The following FHIP2A variants were observed in gnomAD, a reference collection of about 807,000 sequenced individuals.
The protein encoded by FHIP2A is family with sequence similarity 160 member B1.
A neutral mutation model predicts 93.5 loss-of-function variants in FHIP2A; 46 were observed. The ratio of observed to expected loss-of-function variants is 0.49; its 90% confidence interval spans 0.39 to 0.63. The LOEUF is 0.63. Among genes scored for constraint, FHIP2A ranks in the 20% least tolerant of loss-of-function variants. The pLI, the probability that FHIP2A is intolerant of heterozygous loss-of-function variation, is 0.00. For missense variants in FHIP2A, 769 were observed against 909.7 expected, an observed-to-expected ratio of 0.85 and a Z score of 1.99; for synonymous variants, 332 against 326.5, an observed-to-expected ratio of 1.02 and a Z score of -0.18.
Position 114,822,141 on chromosome 10 carries a change from G to A in FHIP2A, c.45+18G>A. On this transcript the variant is annotated intron_variant, in intron 1 of 16. Coordinates refer to ENST00000369248, the MANE Select transcript of FHIP2A (RefSeq NM_020940.4). ...TGGAGGCGGTAAGGCCGCGGGCTGC[G>A]GGCGCACGGCAGGCCGGGGATGGCG... 7.7e-7 allele frequency: 1 copy of A among 1,305,114 alleles called. No homozygotes were observed. The highest frequency in any genetic ancestry group is 3.4e-5 in the East Asian group (1 of 29,830). 80.8% of individuals were successfully genotyped at this position (1,305,114 alleles called of 1,614,324 possible). A position where few individuals can be genotyped will look rare whatever the true frequency, so the allele number is the denominator to read the frequency against.
chr10:114,827,789 T>A (rs11196934), intron 1 of FHIP2A, among the ~76,000 whole-genome samples: 56,312 of 128,204 alleles, frequency 0.44, 11,964 homozygotes, highest in Non-Finnish European at 0.49. Flanking sequence ...AGAGCGAGAC[T>A]CCATCTCAAA....
intron 16 of FHIP2A, among the ~76,000 whole-genome samples, chr10:114,880,785 G>C (rs1258857782): frequency 6.6e-6 from 1 of 150,660 alleles, no homozygotes; most frequent in African/African-American, 2.4e-5. Context: ...GAAGCACTCC[G>C]AGTGATTCTG....
intron 1 of FHIP2A, among the ~76,000 whole-genome samples, chr10:114,829,537 G>A (rs1465309624): frequency 6.6e-6 from 1 of 152,196 alleles, no homozygotes; most frequent in African/African-American, 2.4e-5. Flanking sequence ...TGACCATCTT[G>A]GTTTTGGTGA....
chr10:114,821,950 G>A lies in FHIP2A; in HGVS notation c.-129G>A. 1 of 457,186 alleles carries A rather than the reference G, an allele frequency of 2.2e-6. No individual in the cohort carries two copies. The highest frequency in any genetic ancestry group is 4.5e-5 in the East Asian group (1 of 22,102). The allele number at this position is 457,186 out of a possible 1,614,324, so 28.3% of individuals were successfully genotyped here. A position where few individuals can be genotyped will look rare whatever the true frequency, so the allele number is the denominator to read the frequency against. ...GGGCCAGGCCCTGCCTCGATCCTCA[G>A]CTCGTCCTCCCCGCCCCGCACCGGC... On this transcript the variant is annotated 5_prime_UTR_variant, in exon 1 of 17. Coordinates refer to ENST00000369248, the MANE Select transcript of FHIP2A (RefSeq NM_020940.4).
chr10:114,846,596 T>C lies in FHIP2A; in HGVS notation c.1436T>C (p.Leu479Ser). The C allele has an allele frequency of 1.2e-6, 2 of 1,603,368 alleles. No homozygotes were observed. Among genetic ancestry groups the C allele is most frequent in the Non-Finnish European group, 1.7e-6 (2 of 1,177,502 alleles). The change falls in exon 11 of 17, where the codon TTA (leucine) becomes TCA (serine). Residue 479 changes from leucine (L) to serine (S), a missense_variant. By Grantham distance (145) the Leu-to-Ser change is moderately radical (BLOSUM62 -2). Transcript: ENST00000369248. ...IMTLRMFEHL[L>S]QKPNEHILYN... ...ACATTACGAATGTTTGAACATCTTT[T>C]ACAAAAACCCAATGAGCACATTCTT...
At chr10:114,825,565 A>T (rs548072039) in intron 1 of FHIP2A, among the ~76,000 whole-genome samples, 1 of 152,236 alleles carries the variant, frequency 6.6e-6, no homozygotes, top group Admixed American at 6.5e-5. Context: ...AAGAACTGTA[A>T]TGTAACTCCT....
At chr10:114,845,581 CT>C in intron 8 of FHIP2A, 100 bp downstream of exon 8, 1 of 701,422 alleles carries the variant, frequency 1.4e-6, no homozygotes, top group Non-Finnish European at 2.4e-6. Context: ...TTTTAATTGT[CT>C]TAGAATACCA....
rs1417507628 is a variant in FHIP2A at position 114,864,071 on chromosome 10, A to G, written c.*2531A>G. 2.0e-6 allele frequency: 2 copies of G among 989,960 alleles called. No homozygotes were observed. Among genetic ancestry groups the G allele is most frequent in the African/African-American group, 3.5e-5 (2 of 57,366 alleles). The allele number at this position is 989,960 out of a possible 1,614,324, so 61.3% of individuals were successfully genotyped here. A position where few individuals can be genotyped will look rare whatever the true frequency, so the allele number is the denominator to read the frequency against. On this transcript the variant is annotated 3_prime_UTR_variant, in exon 17 of 17. Transcript: ENST00000369248. ...CAATATGGAAGCTGTGAGTGGATTC[A>G]TAGCTTTTTGGTTTAATTGTACATT...
chr10:114,877,026 T>TA lies in FHIP2A; in HGVS notation c.2192+15693dup, dbSNP rs546344023. ...TTCTGCAGCTTTTATCTGCAACTGTTACTCCTGACAGTTAAGAACACGTCT... is the reference window on the plus strand; with the variant it reads ...TTCTGCAGCTTTTATCTGCAACTGTTAACTCCTGACAGTTAAGAACACGTCT... On this transcript the variant is annotated intron_variant, in intron 16 of 16. Coordinates refer to the FHIP2A transcript ENST00000369250. Among the ~76,000 whole-genome samples the TA allele has an allele frequency of 6.0e-3, 920 of 152,342 alleles. 14 individuals are homozygous for TA. Among genetic ancestry groups the TA allele is most frequent in the Non-Finnish European group, 6.2e-3 (420 of 68,028 alleles).
intron 16 of FHIP2A, among the ~76,000 whole-genome samples, chr10:114,894,961 C>G (rs931227616): frequency 6.6e-6 from 1 of 152,142 alleles, no homozygotes; most frequent in Admixed American, 6.5e-5. Context: ...ATATTTCTAG[C>G]ACTGAGAATG....
chr10:114,884,346 A>G (rs995356018), intron 16 of FHIP2A, among the ~76,000 whole-genome samples: 1 of 152,228 alleles, frequency 6.6e-6, no homozygotes, highest in Non-Finnish European at 1.5e-5. Flanking sequence ...TTAGAAGAAC[A>G]CAGTGTGGTA....
In FHIP2A at chr10:114,823,506, A is replaced by T. The variant is rs575769542; in HGVS notation, c.45+1383A>T. On this transcript the variant is annotated intron_variant, in intron 1 of 16. Coordinates refer to ENST00000369248, the MANE Select transcript of FHIP2A (RefSeq NM_020940.4). ...ATTTTATTTATTTATTTATTTATTTATTTTTTGAGACCGAATCTCATTCTG... is the reference window on the plus strand; with the variant it reads ...ATTTTATTTATTTATTTATTTATTTTTTTTTTGAGACCGAATCTCATTCTG... 9.0e-4 allele frequency among the ~76,000 whole-genome samples: 136 copies of T among 150,812 alleles called. 1 individual carries two copies. Among genetic ancestry groups the T allele is most frequent in the Non-Finnish European group, 1.3e-4 (9 of 67,768 alleles).
intron 3 of FHIP2A, among the ~76,000 whole-genome samples, chr10:114,834,957 A>C (rs2083628541): frequency 6.6e-6 from 1 of 152,228 alleles, no homozygotes; most frequent in Non-Finnish European, 1.5e-5. Context: ...AGGGCTGACT[A>C]CCAGAACTGA....
chr10:114,863,332 A>G lies in FHIP2A; in HGVS notation c.*1792A>G. 2.0e-6 allele frequency: 2 copies of G among 981,440 alleles called. No individual in the cohort carries two copies. Among genetic ancestry groups the G allele is most frequent in the Non-Finnish European group, 1.2e-6 (1 of 825,506 alleles). The allele number at this position is 981,440 out of a possible 1,614,324, so 60.8% of individuals were successfully genotyped here. ...TAACAGTCTACTTTGATATATGAGT[A>G]TTTAAACTAAGGCATTAAGAGATAT... On this transcript the variant is annotated 3_prime_UTR_variant, in exon 17 of 17. Transcript: ENST00000369248.
chr10:114,853,494 A>G (rs2083748391), intron 13 of FHIP2A, among the ~76,000 whole-genome samples: 1 of 152,200 alleles, frequency 6.6e-6, no homozygotes, highest in Admixed American at 6.5e-5. Context: ...CATTCAAATA[A>G]CAATAAAGTA....
At chr10:114,884,794 G>C (rs889297639) in intron 16 of FHIP2A, among the ~76,000 whole-genome samples, 1 of 151,592 alleles carries the variant, frequency 6.6e-6, no homozygotes, top group African/African-American at 2.4e-5. Flanking sequence ...TGTGCCTATT[G>C]TCCCAGGTAC....
rs1237353036 is a variant in FHIP2A at position 114,841,160 on chromosome 10, T to C, written c.523-1773T>C. Among the ~76,000 whole-genome samples, 3 of 152,202 alleles carry C rather than the reference T, an allele frequency of 2.0e-5. No individual in the cohort carries two copies. The South Asian group carries it at 6.2e-4, about 32-fold the overall frequency. On this transcript the variant is annotated intron_variant, in intron 5 of 16. Coordinates refer to ENST00000369248, the MANE Select transcript of FHIP2A (RefSeq NM_020940.4). ...TGAGTCTTACTTTGAGAAACATTGATTGAAGGACAGAGTGCTATACTAACA... is the reference window on the plus strand; with the variant it reads ...TGAGTCTTACTTTGAGAAACATTGACTGAAGGACAGAGTGCTATACTAACA...
intron 1 of FHIP2A, among the ~76,000 whole-genome samples, chr10:114,830,589 A>G (rs2420067): frequency 0.41 from 62,100 of 151,904 alleles, 13,299 homozygotes; most frequent in Non-Finnish European, 0.48. Flanking sequence ...TACTTTTAAA[A>G]AAGTGTCAGG....
intron 16 of FHIP2A, among the ~76,000 whole-genome samples, chr10:114,896,987 A>C (rs1346638825): frequency 6.6e-6 from 1 of 152,260 alleles, no homozygotes; most frequent in East Asian, 1.9e-4. Context: ...TCTTAGAAGC[A>C]AAATTTATTT....
Sources: allele counts gnomAD v4.1 joint callset (sites outside exome capture counted in the v4.1 genomes callset), GRCh38; gene constraint gnomAD v4.1.1; transcripts MANE v1.5; gene names NCBI Gene and HGNC (gene_info 2026-07-23, HGNC 2026-07-21).